The following GPC6 variants were observed in gnomAD, a reference collection of about 807,000 sequenced individuals.
GPC6 encodes glypican-6.
A neutral mutation model predicts 55.2 loss-of-function variants in GPC6; 14 were observed. The ratio of observed to expected loss-of-function variants is 0.25; its 90% CI spans 0.17 to 0.40. The LOEUF (loss-of-function observed/expected upper bound fraction) is 0.40, where lower values mean the gene tolerates loss of function less well. Among genes scored for constraint, GPC6 ranks in the 10% least tolerant of loss-of-function variants. GPC6 has a pLI of 1.00. For synonymous variants in GPC6, 278 were observed against 259.6 expected, an observed-to-expected ratio of 1.07 and a Z score of -0.68; for missense variants, 641 against 708.5, an observed-to-expected ratio of 0.90 and a Z score of 1.08.
At chr13:94,346,181 G>C (rs1878279235) in intron 6 of GPC6, among the ~76,000 whole-genome samples, 1 of 152,184 alleles carries the variant, frequency 6.6e-6, no homozygotes, top group African/African-American at 2.4e-5. Flanking sequence ...CCTCTGCAAA[G>C]ACGTTATTTC....
chr13:93,485,375 G>A (rs1185109504), intron 1 of GPC6, among the ~76,000 whole-genome samples: 1 of 152,166 alleles, frequency 6.6e-6, no homozygotes, highest in East Asian at 1.9e-4. Flanking sequence ...GTTAGATAGA[G>A]TTGGGAGGAT....
At chr13:94,143,507 A>G (rs577431060) in intron 4 of GPC6, among the ~76,000 whole-genome samples, 10 of 152,334 alleles carry the variant, frequency 6.6e-5, no homozygotes, top group African/African-American at 2.2e-4. Context: ...TTCTTCTCAG[A>G]TACCTGATTA....
At chr13:93,396,646 C>A (rs936169927) in intron 1 of GPC6, among the ~76,000 whole-genome samples, 8 of 151,942 alleles carry the variant, frequency 5.3e-5, no homozygotes, top group African/African-American at 1.7e-4. Context: ...TAAATCTTGG[C>A]TCTGTGATTT....
chr13:93,691,126 A>G (rs146258678), intron 2 of GPC6, among the ~76,000 whole-genome samples: 204 of 152,266 alleles, frequency 1.3e-3, no homozygotes, highest in African/African-American at 4.8e-3. Flanking sequence ...AAGATTTTAA[A>G]TCACAAATAT....
chr13:93,670,069 G>A (rs895727234), intron 2 of GPC6, among the ~76,000 whole-genome samples: 2 of 152,134 alleles, frequency 1.3e-5, no homozygotes, highest in African/African-American at 2.4e-5. Flanking sequence ...GTAACCAACA[G>A]GTGATCCATT....
rs766533513 is a variant in GPC6, at chr13:94,407,046, CAAAG to C, written c.*3831_*3834del. ...GTGTTTAGTTTTAGACCAACTTATACAAAGAGAGTATTGATTTGTACACATTCTG... is the reference window on the plus strand; with the variant it reads ...GTGTTTAGTTTTAGACCAACTTATACAGAGTATTGATTTGTACACATTCTG... On this transcript the variant is annotated 3_prime_UTR_variant, in exon 9 of 9. Transcript: ENST00000377047. The C allele has an allele frequency of 1.3e-5, 2 of 152,092 alleles. No homozygotes were observed. The highest frequency in any genetic ancestry group is 2.1e-4 in the South Asian group (1 of 4,832). 9.4% of individuals were successfully genotyped at this position (152,092 alleles called of 1,614,324 possible). A position where few individuals can be genotyped will look rare whatever the true frequency, so the allele number is the denominator to read the frequency against.
chr13:94,296,080 G>A (rs2139098576), intron 5 of GPC6, among the ~76,000 whole-genome samples: 1 of 152,246 alleles, frequency 6.6e-6, no homozygotes, highest in South Asian at 2.1e-4. Context: ...GATTTTTCAG[G>A]TGCTAGGGCA....
chr13:94,399,668 G>C (rs1461532216), intron 8 of GPC6, among the ~76,000 whole-genome samples: 1 of 152,126 alleles, frequency 6.6e-6, no homozygotes, highest in Admixed American at 6.6e-5. Context: ...AGCCTACCAA[G>C]TTATCCCCTG....
At chr13:93,471,855 T>G (rs1438514032) in intron 1 of GPC6, among the ~76,000 whole-genome samples, 2 of 152,206 alleles carry the variant, frequency 1.3e-5, no homozygotes, top group Non-Finnish European at 2.9e-5. Context: ...TCTGCTGTTG[T>G]TGGGCAGAGT....
chr13:93,742,124 CATAA>C (rs1412256730), intron 2 of GPC6, among the ~76,000 whole-genome samples: 17 of 152,112 alleles, frequency 1.1e-4, no homozygotes, highest in Admixed American at 3.9e-4. Flanking sequence ...TGATATTTGA[CATAA>C]ATAAATACTT....
intron 4 of GPC6, among the ~76,000 whole-genome samples, chr13:94,036,504 T>C (rs1026445486): frequency 6.6e-6 from 1 of 152,022 alleles, no homozygotes; most frequent in Non-Finnish European, 1.5e-5. Context: ...AGGAATCTTC[T>C]AGAAACATAA....
At chr13:94,200,107 G>A (rs930214725) in intron 4 of GPC6, among the ~76,000 whole-genome samples, 1 of 147,572 alleles carries the variant, frequency 6.8e-6, no homozygotes, top group Non-Finnish European at 1.5e-5. Context: ...AGTGAGCTGA[G>A]ATTGCACCAT....
chr13:94,365,213 C>T (rs1879236517), intron 6 of GPC6, among the ~76,000 whole-genome samples: 1 of 152,158 alleles, frequency 6.6e-6, no homozygotes, highest in Admixed American at 6.5e-5. Context: ...CTAGTTGAAA[C>T]CCATAGAAAG....
chr13:94,160,005 T>C (rs1467875747), intron 4 of GPC6, among the ~76,000 whole-genome samples: 1 of 152,222 alleles, frequency 6.6e-6, no homozygotes, highest in Non-Finnish European at 1.5e-5. Context: ...ATAATCCTGC[T>C]CTTTTTTATG....
rs1209388712 is a variant in GPC6, at chr13:93,645,216, C to A, written c.319+99795C>A. 2.0e-5 allele frequency among the ~76,000 whole-genome samples: 3 copies of A among 150,760 alleles called. No homozygotes were observed. The Admixed American group carries it at 2.0e-4, about 10-fold the overall frequency. On this transcript the variant is annotated intron_variant, in intron 2 of 8. Transcript: ENST00000377047. ...ATTCTGACCTTAATTTTTCATGATA[C>A]CTTATAAGTAAAATGCAATGAGAGC...
At chr13:93,628,022 T>C (rs1024787591) in intron 2 of GPC6, among the ~76,000 whole-genome samples, 2 of 152,186 alleles carry the variant, frequency 1.3e-5, no homozygotes, top group Non-Finnish European at 2.9e-5. Flanking sequence ...ATAACCTGCT[T>C]CCAGCCCATC....
At chr13:93,598,001 T>G (rs1877839414) in intron 2 of GPC6, among the ~76,000 whole-genome samples, 1 of 151,908 alleles carries the variant, frequency 6.6e-6, no homozygotes, top group South Asian at 2.1e-4. Flanking sequence ...AATATTATCT[T>G]GGTGCGGTGT....
At chr13:93,812,921 A>G (rs1037199909) in intron 2 of GPC6, among the ~76,000 whole-genome samples, 31 of 152,172 alleles carry the variant, frequency 2.0e-4, no homozygotes, top group Admixed American at 1.6e-3. Flanking sequence ...AACTTTTGAT[A>G]AAGCCAAGAG....
Position 93,227,384 on chromosome 13 carries a change from C to G in GPC6, c.-73C>G. The G allele has an allele frequency of 6.6e-7, 1 of 1,512,374 alleles. No individual in the cohort carries two copies. 93.7% of individuals were successfully genotyped at this position (1,512,374 alleles called of 1,614,324 possible). ...GGAGCGCGCCGCTGCCTCTGGCGGG[C>G]TTTCGGCTTGAGGGGCAAGGTGAAG... On this transcript the variant is annotated 5_prime_UTR_variant, in exon 1 of 9. Transcript: ENST00000377047. This position sits in a 1 kb window ranked among gnomAD's most constrained non-coding sequence, Gnocchi z 4.3.
Sources: allele counts gnomAD v4.1 joint callset (sites outside exome capture counted in the v4.1 genomes callset), GRCh38; gene constraint gnomAD v4.1.1; non-coding constraint Gnocchi (gnomAD v3.1); transcripts MANE v1.5; gene names NCBI Gene and HGNC (gene_info 2026-07-23, HGNC 2026-07-21).